POLE2: variants seen among roughly 807,000 people sequenced by gnomAD.
POLE2 encodes the protein DNA polymerase epsilon subunit 2.
POLE2 carries 56 observed loss-of-function variants against 79.4 expected under a neutral mutation model. The observed-to-expected ratio is 0.71, with a 90% CI of 0.57 to 0.88. The LOEUF (loss-of-function observed/expected upper bound fraction) is 0.88, where lower values mean the gene tolerates loss of function less well. Among genes scored for constraint, POLE2 ranks in the 40% least tolerant of loss-of-function variants. The pLI is 0.00. For synonymous variants in POLE2, 212 were observed against 214.0 expected, an observed-to-expected ratio of 0.99 and a Z score of 0.08; for missense variants, 598 against 638.9, an observed-to-expected ratio of 0.94 and a Z score of 0.69.
rs1594589992 is a variant in POLE2, at chr14:49,666,476, T to C, written c.493-63A>G. On this transcript the variant is annotated intron_variant, in intron 6 of 18. Coordinates refer to ENST00000216367, the MANE Select transcript of POLE2 (RefSeq NM_002692.4). ...ATATTCTTTCAAGAAACAAAACTTT[T>C]TATAAATAACTATATTTGGGGTATA... 9.0e-6 allele frequency: 6 copies of C among 669,444 alleles called. No homozygotes were observed. In the East Asian group the frequency reaches 1.7e-4, roughly 19 times the overall value. The allele number at this position is 669,444 out of a possible 1,614,324, so 41.5% of individuals were successfully genotyped here. A position where few individuals can be genotyped will look rare whatever the true frequency, so the allele number is the denominator to read the frequency against.
At chr14:49,683,991 G>C (rs928280828) in intron 1 of POLE2, among the ~76,000 whole-genome samples, 11 of 152,052 alleles carry the variant, frequency 7.2e-5, no homozygotes, top group Non-Finnish European at 1.3e-4. Context: ...ATATACCTTA[G>C]ATCTGATATA....
intron 3 of POLE2, among the ~76,000 whole-genome samples, chr14:49,676,020 G>C (rs1176747845): frequency 6.6e-6 from 1 of 152,166 alleles, no homozygotes; most frequent in Non-Finnish European, 1.5e-5. Flanking sequence ...CCAAAGTGCT[G>C]GGATTACAGG....
rs1256163260 is a variant in POLE2 at position 49,643,648 on chromosome 14, A to C, written c.*4T>G. ...GAATTTTCTTCAGATGATCTTTAAG[A>C]ATCTCAAAAGCCTTGAAGTTTGCTG... On this transcript the variant is annotated 3_prime_UTR_variant, in exon 19 of 19. Coordinates refer to ENST00000216367, the MANE Select transcript of POLE2 (RefSeq NM_002692.4). The C allele has an allele frequency of 7.1e-7, 1 of 1,408,402 alleles. No homozygotes were observed. The highest frequency in any genetic ancestry group is 1.2e-5 in the South Asian group (1 of 80,628). 87.2% of individuals were successfully genotyped at this position (1,408,402 alleles called of 1,614,324 possible).
At chr14:49,683,961 T>C (rs1178255582) in intron 1 of POLE2, among the ~76,000 whole-genome samples, 1 of 152,202 alleles carries the variant, frequency 6.6e-6, no homozygotes, top group Non-Finnish European at 1.5e-5. Context: ...TCTTCTGAAA[T>C]TGTTAAAAAT....
intron 10 of POLE2, among the ~76,000 whole-genome samples, chr14:49,657,683 A>T (rs1594574278): frequency 6.6e-6 from 1 of 151,160 alleles, no homozygotes; most frequent in Non-Finnish European, 1.5e-5. Flanking sequence ...CAAATGATTC[A>T]CCCTCCTCGC....
chr14:49,667,685 C>T (rs1355584041), intron 6 of POLE2, among the ~76,000 whole-genome samples: 1 of 151,928 alleles, frequency 6.6e-6, no homozygotes, highest in Admixed American at 6.6e-5. Context: ...ACCAAGATTA[C>T]AGGCACTAGC....
At chr14:49,677,908 A>G in intron 3 of POLE2, 1 of 336,944 alleles carries the variant, frequency 3.0e-6, no homozygotes, top group Non-Finnish European at 5.4e-6. Flanking sequence ...AGCAGTGGCC[A>G]TATTGAGAAG....
rs914857710 is a variant in POLE2, at chr14:49,683,689, C to T, written c.73G>A (p.Ala25Thr). The stretch of plus-strand genomic sequence containing the variant: ...AGAGCTTCTGTGAGGTACTTAATAG[C>T]TTCACTAAGAAAAGGAAAGGAAAAA... The part of the protein sequence containing the change: ...KLRGLLLRGE[A>T]IKYLTEALQS... Residue 25 changes from alanine to threonine, a missense_variant, in exon 2 of 19, where the codon GCT (alanine) becomes ACT (threonine). By Grantham distance (58) the Ala-to-Thr change is moderately conservative (BLOSUM62 0). Coordinates refer to ENST00000216367, the MANE Select transcript of POLE2 (RefSeq NM_002692.4). 16 of 1,501,414 alleles carry T rather than the reference C, an allele frequency of 1.1e-5. No homozygotes were observed. Among genetic ancestry groups the T allele is most frequent in the East Asian group, 4.5e-5 (2 of 44,202 alleles). 93.0% of individuals were successfully genotyped at this position (1,501,414 alleles called of 1,614,324 possible). A position where few individuals can be genotyped will look rare whatever the true frequency, so the allele number is the denominator to read the frequency against.
rs1884602220 is a variant in POLE2 at position 49,655,597 on chromosome 14, A to G, written c.928+74T>C. 7.2e-6 allele frequency: 7 copies of G among 970,880 alleles called. No homozygotes were observed. In the East Asian group the frequency reaches 1.7e-4, roughly 24 times the overall value. 60.1% of individuals were successfully genotyped at this position (970,880 alleles called of 1,614,324 possible). On this transcript the variant is annotated intron_variant, in intron 11 of 18. Coordinates refer to ENST00000216367, the MANE Select transcript of POLE2 (RefSeq NM_002692.4). ...TTAAATAGAATACTCAAAAAGATAAATAGAATACTCAAAAAGTTTTAAAAC... is the reference window on the plus strand; with the variant it reads ...TTAAATAGAATACTCAAAAAGATAAGTAGAATACTCAAAAAGTTTTAAAAC...
chr14:49,684,123 CA>C (rs1392454996), intron 1 of POLE2, among the ~76,000 whole-genome samples: 2 of 152,054 alleles, frequency 1.3e-5, no homozygotes, highest in African/African-American at 4.8e-5. Flanking sequence ...TGCACTTGTT[CA>C]AAGTAAATTC....
intron 1 of POLE2, among the ~76,000 whole-genome samples, chr14:49,687,345 T>C (rs954936993): frequency 2.8e-5 from 4 of 145,408 alleles, no homozygotes; most frequent in African/African-American, 7.5e-5. Flanking sequence ...CACGTACATA[T>C]AGAACTCTAA....
intron 15 of POLE2, among the ~76,000 whole-genome samples, chr14:49,652,800 A>G (rs1884368318): frequency 6.6e-6 from 1 of 152,134 alleles, no homozygotes; most frequent in African/African-American, 2.4e-5. Flanking sequence ...TAATAATAAT[A>G]GAAATAAAGT....
chr14:49,644,220 A>T (rs544771241), intron 18 of POLE2, among the ~76,000 whole-genome samples: 45 of 150,298 alleles, frequency 3.0e-4, no homozygotes, highest in South Asian at 2.3e-3. Flanking sequence ...ACTAATTTTT[A>T]AAAAAAGTAG....
rs755505293 is a variant in POLE2 at position 49,650,415 on chromosome 14, T to C, written c.1347A>G (p.Gly449=). 8.4e-6 allele frequency: 13 copies of C among 1,549,692 alleles called. No homozygotes were observed. The highest frequency in any genetic ancestry group is 1.0e-5 in the Non-Finnish European group (12 of 1,145,318). ...NHFVKTILSQ[G]HLTPLPLYVC... is the part of the protein sequence containing the mutation. ...CATAAAGAGGTAGGGGAGTCAGATGTCCTTGGGATAAGATAGTCTTTACAA... is the reference window on the plus strand; with the variant it reads ...CATAAAGAGGTAGGGGAGTCAGATGCCCTTGGGATAAGATAGTCTTTACAA... The change falls in exon 17 of 19, where the codon GGA becomes GGG. Residue 449 remains glycine, a synonymous_variant. Coordinates refer to ENST00000216367, the MANE Select transcript of POLE2 (RefSeq NM_002692.4).
intron 3 of POLE2, chr14:49,677,419 G>A (rs1445655337): frequency 8.5e-6 from 4 of 470,368 alleles, no homozygotes; most frequent in Non-Finnish European, 1.6e-5. Context: ...AGGCCCACAG[G>A]GACCTGAAGC....
At chr14:49,656,315 C>T (rs1295115978) in intron 10 of POLE2, among the ~76,000 whole-genome samples, 1 of 149,380 alleles carries the variant, frequency 6.7e-6, no homozygotes, top group East Asian at 2.0e-4. Flanking sequence ...GAGATTGCGC[C>T]ACTGCACTCC....
rs60811856 is a variant in POLE2, at chr14:49,687,300, C to CCACACACACA, written c.68+826_68+835dup. Reference sequence around the variant, plus strand: ...ATACATATATATATATACACACACACCACACACACACACACACACACACAC... The same window carrying CCACACACACA: ...ATACATATATATATATACACACACACCACACACACACACACACACACACACACACACACAC... On this transcript the variant is annotated intron_variant, in intron 1 of 18. Transcript: ENST00000216367. Among the ~76,000 whole-genome samples, 657 of 139,816 alleles carry CCACACACACA rather than the reference C, an allele frequency of 4.7e-3. 2 individuals are homozygous for CCACACACACA. The highest frequency in any genetic ancestry group is 7.3e-3 in the Middle Eastern group (2 of 274). The allele number at this position is 139,816 out of a possible 152,430, so 91.7% of individuals were successfully genotyped here.
chr14:49,679,407 C>T (rs1476131896), intron 3 of POLE2: 1 of 222,086 alleles, frequency 4.5e-6, no homozygotes, highest in East Asian at 9.8e-5. Flanking sequence ...GTAAATTATA[C>T]TTCTGAATAT....
chr14:49,682,965 C>T lies in POLE2; in HGVS notation c.169+628G>A, dbSNP rs183194901. 1.5e-3 allele frequency among the ~76,000 whole-genome samples: 225 copies of T among 151,334 alleles called. 2 individuals are homozygous for T. The highest frequency in any genetic ancestry group is 3.4e-3 in the Middle Eastern group (1 of 294). ...TAGCCACTAGGAGAGACAAAGTGAC[C>T]ATAAAGGACCAGATCAAAATCAGAA... On this transcript the variant is annotated intron_variant, in intron 2 of 18. Transcript: ENST00000216367.
Sources: gnomAD v4.1 joint callset for allele counts (sites outside exome capture counted in the v4.1 genomes callset) on GRCh38, gnomAD v4.1.1 for gene constraint, MANE v1.5 for transcripts, NCBI Gene and HGNC (gene_info 2026-07-23, HGNC 2026-07-21) for gene names.